HOXD13: variants seen among roughly 807,000 people sequenced by gnomAD.
The protein encoded by HOXD13 is homeobox D13, also known as homeobox protein Hox-D13.
Under a neutral mutation model 27.3 loss-of-function variants are expected in HOXD13, and 16 were observed. The ratio of observed to expected loss-of-function variants is 0.59; its 90% CI spans 0.40 to 0.89. The LOEUF is 0.89. HOXD13 is among the 40% of genes least tolerant of loss of function. The pLI is 0.00. For synonymous variants in HOXD13, 241 were observed against 219.0 expected, an observed-to-expected ratio of 1.10 and a Z score of -0.89; for missense variants, 481 against 482.6, an observed-to-expected ratio of 1.00 and a Z score of 0.03.
chr2:176,094,042 T>C (rs570839831), intron 1 of HOXD13, among the ~76,000 whole-genome samples: 1 of 152,298 alleles, frequency 6.6e-6, no homozygotes, highest in African/African-American at 2.4e-5. Context: ...CCAAGATGAC[T>C]ACTAAAGCTT....
In HOXD13 at chr2:176,094,854, T is replaced by C. The variant is rs1428295568; in HGVS notation, c.*124T>C. The stretch of plus-strand genomic sequence containing the variant: ...TGCCAATGGTGGCAAATTTTGTGAA[T>C]TGTTTTTCTCTCTTCCCCTTATCTG... On this transcript the variant is annotated 3_prime_UTR_variant, in exon 2 of 2. Transcript: ENST00000392539. The C allele has an allele frequency of 1.6e-5, 13 of 824,078 alleles. No individual in the cohort carries two copies. The allele number at this position is 824,078 out of a possible 1,614,324, so 51.0% of individuals were successfully genotyped here. A position where few individuals can be genotyped will look rare whatever the true frequency, so the allele number is the denominator to read the frequency against.
At chr2:176,091,420 C>T (rs1689317104), upstream of HOXD13, among the ~76,000 whole-genome samples, 2 of 152,178 alleles carry the variant, frequency 1.3e-5, no homozygotes, top group African/African-American at 2.4e-5. Context: ...GCCCCAAAGT[C>T]ACAGCAGGAC....
chr2:176,087,498 G>A, the HOXD13 span, among the ~76,000 whole-genome samples: 2 of 152,356 alleles, frequency 1.3e-5, no homozygotes, highest in East Asian at 1.9e-4. Context: ...CAGGTGATCC[G>A]CCTGTCTCGA....
chr2:176,095,639 A>G lies in HOXD13; in HGVS notation c.*909A>G, dbSNP rs1689401039. 4.4e-6 allele frequency: 1 copy of G among 228,336 alleles called. No individual in the cohort carries two copies. The highest frequency in any genetic ancestry group is 1.8e-4 in the South Asian group (1 of 5,500). 14.1% of individuals were successfully genotyped at this position (228,336 alleles called of 1,614,324 possible). On this transcript the variant is annotated 3_prime_UTR_variant, in exon 2 of 2. Transcript: ENST00000392539. ...CTGAATCAATGTGGCCGTGGGTGGG[A>G]ACTTACATACAGAACCCAATGAAGA...
Position 176,093,421 on chromosome 2 carries a change from C to T in HOXD13, c.531C>T (p.Ser177=), listed in dbSNP as rs2105378878. Reference sequence around the variant, plus strand: ...ACGTGTCAGGCCTGGCGAGCAGCAGCGTACCGGCCAACGAGGTGCCAGCGC... The same window carrying T: ...ACGTGTCAGGCCTGGCGAGCAGCAGTGTACCGGCCAACGAGGTGCCAGCGC... ...YMDVSGLASS[S]VPANEVPARA... The change falls in exon 1 of 2, where the codon AGC becomes AGT. Residue 177 remains serine, a synonymous_variant. Transcript: ENST00000392539. 1 of 1,613,974 alleles carries T rather than the reference C, an allele frequency of 6.2e-7. No individual in the cohort carries two copies. Among genetic ancestry groups the T allele is most frequent in the South Asian group, 1.1e-5 (1 of 91,086 alleles).
Position 176,094,586 on chromosome 2 carries a change from C to T in HOXD13, c.888C>T (p.Ala296=). 1 of 1,614,030 alleles carries T rather than the reference C, an allele frequency of 6.2e-7. No individual in the cohort carries two copies. The change falls in exon 2 of 2, where the codon GCC becomes GCT. Residue 296 remains alanine, a synonymous_variant. Transcript: ENST00000392539. The part of the protein sequence containing the change: ...LQLKELENEY[A]INKFINKDKR... ...TTAAAGAACTGGAGAACGAGTATGC[C>T]ATTAACAAATTCATTAACAAGGACA...
chr2:176,094,234 CG>C (rs1308136317), intron 1 of HOXD13, among the ~76,000 whole-genome samples: 2 of 152,074 alleles, frequency 1.3e-5, no homozygotes, highest in African/African-American at 4.8e-5. Context: ...GTTAAGATGC[CG>C]GTTTGAGAAA....
chr2:176,091,167 T>C (rs186680746), upstream of HOXD13, among the ~76,000 whole-genome samples: 100 of 152,344 alleles, frequency 6.6e-4, no homozygotes, highest in African/African-American at 2.3e-3. Flanking sequence ...TACCCTGAAA[T>C]GCCAGGCCAG....
intron 1 of HOXD13, 96 bp from the exon 2 acceptor site, chr2:176,094,384 C>A (rs1689379494): frequency 2.1e-6 from 3 of 1,438,328 alleles, no homozygotes; most frequent in Admixed American, 1.8e-5. Flanking sequence ...CCCCTGCAAA[C>A]GCACACACAC....
chr2:176,088,059 G>T (rs777060585), upstream of HOXD13, among the ~76,000 whole-genome samples: 24 of 152,252 alleles, frequency 1.6e-4, no homozygotes, highest in Non-Finnish European at 3.4e-4. Flanking sequence ...CCTCTTACGC[G>T]GGGGGCTGCG....
chr2:176,094,871 C>A lies in HOXD13; in HGVS notation c.*141C>A. ...TTTGTGAATTGTTTTTCTCTCTTCC[C>A]CTTATCTGGCTCTAAAACCTTCTGC... On this transcript the variant is annotated 3_prime_UTR_variant, in exon 2 of 2. Coordinates refer to ENST00000392539, the MANE Select transcript of HOXD13 (RefSeq NM_000523.4). 1.4e-6 allele frequency: 1 copy of A among 706,416 alleles called. No homozygotes were observed. The highest frequency in any genetic ancestry group is 2.3e-5 in the Admixed American group (1 of 43,754). 43.8% of individuals were successfully genotyped at this position (706,416 alleles called of 1,614,324 possible). A position where few individuals can be genotyped will look rare whatever the true frequency, so the allele number is the denominator to read the frequency against.
At chr2:176,094,005 C>A (rs1487947047) in intron 1 of HOXD13, among the ~76,000 whole-genome samples, 1 of 152,102 alleles carries the variant, frequency 6.6e-6, no homozygotes, top group South Asian at 2.1e-4. Flanking sequence ...AGAGTTGGGT[C>A]CCCCCATTTT....
chr2:176,094,416 C>G, intron 1 of HOXD13, 64 bp from the exon 2 acceptor site: 1 of 1,573,406 alleles, frequency 6.4e-7, no homozygotes, highest in Non-Finnish European at 8.7e-7. Flanking sequence ...CACACACACA[C>G]AATCCTCAGC....
chr2:176,093,129 C>T lies in HOXD13; in HGVS notation c.239C>T (p.Ser80Phe), dbSNP rs756210413. The T allele has an allele frequency of 6.2e-7, 1 of 1,603,922 alleles. No individual in the cohort carries two copies. Among genetic ancestry groups the T allele is most frequent in the East Asian group, 2.2e-5 (1 of 44,790 alleles). Residue 80 changes from serine to phenylalanine, a missense_variant, in exon 1 of 2, where the codon TCT becomes TTT. Physicochemically the swap from Ser to Phe is radical, Grantham distance 155 (BLOSUM62 -2). Transcript: ENST00000392539. ...AASGFAYPGTSERTGSSSSSS... is the reference protein window; with the variant it reads ...AASGFAYPGTFERTGSSSSSS... Reference sequence around the variant, plus strand: ...TCCGGCTTTGCGTACCCCGGGACCTCTGAGCGCACGGGCTCTTCCTCGTCG... The same window carrying T: ...TCCGGCTTTGCGTACCCCGGGACCTTTGAGCGCACGGGCTCTTCCTCGTCG...
rs1263516426 is a variant in HOXD13, at chr2:176,092,820, G to A, written c.-71G>A. ...CGAACCAGAGAGAAAGGAGAGGAGG[G>A]AGGAGGCGCGCCGCGCCATGGTGTC... On this transcript the variant is annotated 5_prime_UTR_variant, in exon 1 of 2. Coordinates refer to ENST00000392539, the MANE Select transcript of HOXD13 (RefSeq NM_000523.4). 40 of 999,538 alleles carry A rather than the reference G, an allele frequency of 4.0e-5. No homozygotes were observed. Among genetic ancestry groups the A allele is most frequent in the Non-Finnish European group, 4.8e-5 (38 of 783,546 alleles). 61.9% of individuals were successfully genotyped at this position (999,538 alleles called of 1,614,324 possible).
At position 176,093,397 on chromosome 2, in the gene HOXD13, C is replaced by A. The variant is rs778978474; in HGVS notation, c.507C>A (p.Asp169Glu). The change falls in exon 1 of 2, where the codon GAC becomes GAA. Residue 169 changes from aspartate (D) to glutamate (E), a missense_variant. By Grantham distance (45) the Asp-to-Glu change is conservative. Transcript: ENST00000392539. ...LGGFPVEKYM[D>E]VSGLASSSVP... is the part of the protein sequence containing the mutation. ...GCTTTCCCGTGGAGAAGTACATGGA[C>A]GTGTCAGGCCTGGCGAGCAGCAGCG... 24 of 1,613,876 alleles carry A rather than the reference C, an allele frequency of 1.5e-5. No individual in the cohort carries two copies. In the Admixed American group the frequency reaches 2.2e-4, roughly 15 times the overall value.
chr2:176,089,706 C>T (rs1478225366), upstream of HOXD13, among the ~76,000 whole-genome samples: 2 of 152,160 alleles, frequency 1.3e-5, no homozygotes, highest in Non-Finnish European at 2.9e-5. Context: ...AAGGATGCCT[C>T]TGGAAGAAAA....
intron 1 of HOXD13, among the ~76,000 whole-genome samples, chr2:176,094,107 G>T (rs983404730): frequency 6.6e-6 from 1 of 152,130 alleles, no homozygotes; most frequent in African/African-American, 2.4e-5. Flanking sequence ...CAAAATTTGA[G>T]CAAAAGACCT....
Position 176,093,566 on chromosome 2 carries a change from A to G in HOXD13, c.676A>G (p.Met226Val). Reference protein sequence around the residue: ...GEPRHEAYISMEGYQSWTLAN... With the variant: ...GEPRHEAYISVEGYQSWTLAN... ...GCCTCGGCACGAGGCCTACATCTCC[A>G]TGGAGGGGTACCAGTCCTGGACGCT... Residue 226 changes from methionine to valine, a missense_variant, in exon 1 of 2, where the codon ATG becomes GTG. By Grantham distance (21) the Met-to-Val change is conservative (BLOSUM62 1). Coordinates refer to ENST00000392539, the MANE Select transcript of HOXD13 (RefSeq NM_000523.4). 2 of 1,613,828 alleles carry G rather than the reference A, an allele frequency of 1.2e-6. No individual in the cohort carries two copies. Among genetic ancestry groups the G allele is most frequent in the Non-Finnish European group, 1.7e-6 (2 of 1,179,984 alleles).
Sources: allele counts gnomAD v4.1 joint callset (sites outside exome capture counted in the v4.1 genomes callset), GRCh38; gene constraint gnomAD v4.1.1; transcripts MANE v1.5; gene names NCBI Gene and HGNC (gene_info 2026-07-23, HGNC 2026-07-21).